Variants in TTC28 observed in about 807,000 individuals in gnomAD.
TTC28 encodes tetratricopeptide repeat domain 28, also known as tetratricopeptide repeat protein 28.
TTC28 carries 61 observed loss-of-function variants against 198.0 expected under a neutral mutation model. The observed-to-expected ratio is 0.31, with a 90% confidence interval of 0.25 to 0.38. The LOEUF (loss-of-function observed/expected upper bound fraction) is 0.38, where lower values mean the gene tolerates loss of function less well. Among genes scored for constraint, TTC28 ranks in the 10% least tolerant of loss-of-function variants. The pLI, the probability that TTC28 is intolerant of heterozygous loss-of-function variation, is 1.00. For synonymous variants in TTC28, 1,171 were observed against 1,297.8 expected, an observed-to-expected ratio of 0.90 and a Z score of 2.10; for missense variants, 2,678 against 3,164.0, an observed-to-expected ratio of 0.85 and a Z score of 3.69.
intron 5 of TTC28, among the ~76,000 whole-genome samples, chr22:28,180,506 A>T (rs1410036326): frequency 5.9e-5 from 9 of 152,142 alleles, no homozygotes. Flanking sequence ...TGTCGGGGCC[A>T]CCAGTAAGCT....
chr22:28,485,063 A>G (rs773074557), intron 2 of TTC28, among the ~76,000 whole-genome samples: 1 of 152,214 alleles, frequency 6.6e-6, no homozygotes, highest in Non-Finnish European at 1.5e-5. Flanking sequence ...CAACTGCCAG[A>G]TATCAGCTAT....
intron 6 of TTC28, among the ~76,000 whole-genome samples, chr22:28,143,586 C>A (rs1314399043): frequency 6.6e-6 from 1 of 152,104 alleles, no homozygotes; most frequent in East Asian, 1.9e-4. Flanking sequence ...GTATGACTCC[C>A]TTTTTCAAGA....
intron 3 of TTC28, among the ~76,000 whole-genome samples, chr22:28,301,621 T>G (rs2045028483): frequency 2.0e-5 from 3 of 152,376 alleles, no homozygotes; most frequent in Middle Eastern, 6.8e-3. Context: ...TTAATACCTC[T>G]GAAATCAACA....
intron 2 of TTC28, among the ~76,000 whole-genome samples, chr22:28,514,639 T>C (rs1278051720): frequency 2.0e-5 from 3 of 152,354 alleles, no homozygotes; most frequent in African/African-American, 7.2e-5. Flanking sequence ...TTTACTTCTC[T>C]ATATTTTCAT....
Position 28,507,816 on chromosome 22 carries a change from T to G in TTC28, c.381+121736A>C, listed in dbSNP as rs144206919. 3.1e-3 allele frequency among the ~76,000 whole-genome samples: 478 copies of G among 152,272 alleles called. 7 individuals carry two copies. Among genetic ancestry groups the G allele is most frequent in the African/African-American group, 0.011 (456 of 41,548 alleles). ...TCATACCTGGCCAAACTAAGCTTCA[T>G]AAGTGAAGGAGAAATAAGATTCTTT... On this transcript the variant is annotated intron_variant, in intron 2 of 22. Transcript: ENST00000397906.
intron 5 of TTC28, among the ~76,000 whole-genome samples, chr22:28,250,090 T>C (rs1204009531): frequency 1.3e-5 from 2 of 152,196 alleles, no homozygotes; most frequent in Non-Finnish European, 2.9e-5. Flanking sequence ...GTCATGGAGA[T>C]ACATAAACCA....
intron 2 of TTC28, among the ~76,000 whole-genome samples, chr22:28,432,235 G>A (rs535115516): frequency 1.1e-4 from 17 of 149,292 alleles, no homozygotes; most frequent in Non-Finnish European, 1.8e-4. Context: ...GCAGTGAGCC[G>A]AGATCACGCC....
At chr22:28,303,009 T>C (rs1295410993) in intron 3 of TTC28, among the ~76,000 whole-genome samples, 1 of 152,160 alleles carries the variant, frequency 6.6e-6, no homozygotes. Context: ...CAGCACTTCA[T>C]AAAATCAGCT....
intron 2 of TTC28, among the ~76,000 whole-genome samples, chr22:28,510,563 T>C (rs1310697710): frequency 1.3e-5 from 2 of 152,016 alleles, no homozygotes; most frequent in Non-Finnish European, 2.9e-5. Flanking sequence ...ACCAATATCA[T>C]ACTGAATGGG....
At chr22:28,588,149 A>AC (rs199692683) in intron 2 of TTC28, among the ~76,000 whole-genome samples, 6,212 of 151,502 alleles carry the variant, frequency 0.041, 230 homozygotes, top group East Asian at 0.17. Context: ...CTCAAAAAAA[A>AC]AAACAAACAA....
At chr22:28,613,072 T>C (rs986401031) in intron 2 of TTC28, among the ~76,000 whole-genome samples, 4 of 151,494 alleles carry the variant, frequency 2.6e-5, no homozygotes, top group Non-Finnish European at 5.9e-5. Flanking sequence ...TCAACAAAAA[T>C]AGATAGACCG....
chr22:28,435,690 T>C (rs1438354659), intron 2 of TTC28, among the ~76,000 whole-genome samples: 1 of 152,212 alleles, frequency 6.6e-6, no homozygotes, highest in Non-Finnish European at 1.5e-5. Flanking sequence ...AGCTCCTGAA[T>C]AGTAAAGGTG....
At chr22:28,352,880 TAAAG>T (rs200493524) in intron 2 of TTC28, among the ~76,000 whole-genome samples, 2 of 150,908 alleles carry the variant, frequency 1.3e-5, no homozygotes, top group East Asian at 1.9e-4. Flanking sequence ...TTGAAGGAGA[TAAAG>T]AAAGGAAGAG....
At chr22:28,242,268 G>T (rs974925848) in intron 5 of TTC28, among the ~76,000 whole-genome samples, 19 of 152,060 alleles carry the variant, frequency 1.2e-4, no homozygotes, top group Non-Finnish European at 2.5e-4. Context: ...AGTCTGTTAT[G>T]ACCGCTCCCA....
At chr22:28,072,782 G>C (rs1352473569) in intron 12 of TTC28, among the ~76,000 whole-genome samples, 2 of 152,194 alleles carry the variant, frequency 1.3e-5, no homozygotes. Context: ...AGGTAGCAGG[G>C]GGAAGCCGGC....
intron 2 of TTC28, among the ~76,000 whole-genome samples, chr22:28,492,261 T>TA (rs899961980): frequency 1.3e-5 from 2 of 150,816 alleles, no homozygotes; most frequent in South Asian, 2.1e-4. Context: ...TAAAGTATAA[T>TA]AAAAAAAATT....
intron 1 of TTC28, among the ~76,000 whole-genome samples, chr22:28,646,984 A>G (rs1056234861): frequency 2.0e-5 from 3 of 152,234 alleles, no homozygotes; most frequent in African/African-American, 7.2e-5. Context: ...TTCAAATTGT[A>G]CTATAAGACT....
At chr22:28,043,471 C>A (rs1364974298) in intron 12 of TTC28, among the ~76,000 whole-genome samples, 1 of 151,854 alleles carries the variant, frequency 6.6e-6, no homozygotes, top group African/African-American at 2.4e-5. Flanking sequence ...CAGGAGCCAT[C>A]CAAGGTGGCT....
intron 5 of TTC28, among the ~76,000 whole-genome samples, chr22:28,190,328 T>C (rs1237912979): frequency 6.6e-6 from 1 of 152,228 alleles, no homozygotes; most frequent in African/African-American, 2.4e-5. Flanking sequence ...TAGCAGAGGT[T>C]AAGTGACTTG....
Sources: allele counts gnomAD v4.1 joint callset (sites outside exome capture counted in the v4.1 genomes callset), GRCh38; gene constraint gnomAD v4.1.1; transcripts MANE v1.5; gene names NCBI Gene and HGNC (gene_info 2026-07-23, HGNC 2026-07-21).